Variants in FAHD2B observed in about 807,000 individuals in gnomAD.
The protein encoded by FAHD2B is fumarylacetoacetate hydrolase domain containing 2B.
Under a neutral mutation model 33.7 loss-of-function variants are expected in FAHD2B, and 26 were observed. The observed-to-expected ratio is 0.77, with a 90% CI of 0.57 to 1.07. The LOEUF is 1.07. Ranked by LOEUF, FAHD2B falls within the 50% of genes least tolerant of loss-of-function variation. FAHD2B has a pLI of 0.00. For missense variants in FAHD2B, 272 were observed against 388.1 expected (o/e 0.70, Z 2.51); for synonymous variants, 108 against 150.9 (o/e 0.72, Z 2.08).
chr2:97,081,087 C>T, downstream of FAHD2B: 1 of 1,507,424 alleles, frequency 6.6e-7, no homozygotes, highest in Non-Finnish European at 8.9e-7. Flanking sequence ...TCATAATGGA[C>T]CCTCCGCCCC....
chr2:97,083,205 C>A (rs2031723307), downstream of FAHD2B: 1 of 1,608,844 alleles, frequency 6.2e-7, no homozygotes, highest in Admixed American at 1.7e-5. Context: ...CTTTTGCCAG[C>A]CAGGACAATC....
At chr2:97,080,543 T>C (rs546925083), downstream of FAHD2B, among the ~76,000 whole-genome samples, 54 of 152,164 alleles carry the variant, frequency 3.5e-4, no homozygotes, top group African/African-American at 1.3e-3. Flanking sequence ...TTTTTCTTTT[T>C]GCTGAGAATT....
intron 4 of FAHD2B, among the ~76,000 whole-genome samples, chr2:97,088,530 T>G (rs1344219140): frequency 6.6e-6 from 1 of 152,164 alleles, no homozygotes. Flanking sequence ...ATTGTGAGGC[T>G]TCTCTAGCCA....
chr2:97,092,168 T>A (rs1214295072), intron 1 of FAHD2B, among the ~76,000 whole-genome samples, 180 bp from the exon 2 acceptor site: 2 of 152,132 alleles, frequency 1.3e-5, no homozygotes, highest in African/African-American at 4.8e-5. Flanking sequence ...CTGGGCTAAA[T>A]GAGCAGGACC....
At position 97,083,677 on chromosome 2, in the gene FAHD2B, C is replaced by T. The variant is rs949758610; in HGVS notation, c.*78G>A. ...TTGCAGGGCTGGCACCTGCCCACAC[C>T]TGCCACTGGGCCTTTCCCTGGGCTA... On this transcript the variant is annotated 3_prime_UTR_variant, in exon 9 of 9. Transcript: ENST00000414820. 3.1e-6 allele frequency: 5 copies of T among 1,610,936 alleles called. No homozygotes were observed. The highest frequency in any genetic ancestry group is 1.8e-4 in the Middle Eastern group (1 of 5,604).
chr2:97,081,315 C>T, downstream of FAHD2B: 1 of 1,515,988 alleles, frequency 6.6e-7, no homozygotes, highest in African/African-American at 1.5e-5. Context: ...AATGGCCCAT[C>T]CCTGCCCATG....
downstream of FAHD2B, chr2:97,081,255 G>T: frequency 6.8e-7 from 1 of 1,480,852 alleles, no homozygotes; most frequent in African/African-American, 1.5e-5. Flanking sequence ...TAAAGGTCAG[G>T]CCTCCCCTAC....
At chr2:97,083,446 A>C, downstream of FAHD2B, 1 of 1,358,960 alleles carries the variant, frequency 7.4e-7, no homozygotes, top group Non-Finnish European at 9.8e-7. Context: ...GGACGAGACG[A>C]GTTGTCTTTT....
intron 3 of FAHD2B, 48 bp downstream of exon 3, chr2:97,091,414 A>G (rs535052906): frequency 9.3e-5 from 140 of 1,509,338 alleles, no homozygotes; most frequent in Admixed American, 1.6e-4. Context: ...GGGAGGGTGC[A>G]GGGGGACCAG....
downstream of FAHD2B, among the ~76,000 whole-genome samples, chr2:97,079,602 C>T (rs1431734400): frequency 2.0e-5 from 3 of 151,534 alleles, no homozygotes; most frequent in African/African-American, 4.8e-5. Context: ...ATGTCCTTTG[C>T]CCACTTTTTA....
At chr2:97,086,308 C>G in intron 4 of FAHD2B, 110 bp from the exon 5 acceptor site, 1 of 1,462,558 alleles carries the variant, frequency 6.8e-7, no homozygotes, top group Non-Finnish European at 9.3e-7. Context: ...TGCCATCCCA[C>G]GTTTGCCATC....
intron 4 of FAHD2B, among the ~76,000 whole-genome samples, chr2:97,087,227 A>G (rs1049710788): frequency 6.6e-6 from 1 of 151,758 alleles, no homozygotes; most frequent in Non-Finnish European, 1.5e-5. Context: ...AATTTTTTGT[A>G]TTTTTAGTAG....
At position 97,085,751 on chromosome 2, in the gene FAHD2B, G is replaced by T. The variant is rs1361710949; in HGVS notation, c.633C>A (p.Phe211Leu). ...CAGGGCCCAGAGGGCAGAAGGTGTCGAAGGTTTTTCCCAGCAGCCACTGTT... is the reference window on the plus strand; with the variant it reads ...CAGGGCCCAGAGGGCAGAAGGTGTCTAAGGTTTTTCCCAGCAGCCACTGTT... ...NGKQWLLGKT[F>L]DTFCPLGPAL... The change falls in exon 6 of 9, where the codon TTC (phenylalanine) becomes TTA (leucine). Residue 211 changes from phenylalanine to leucine, a missense_variant. Phe to Leu is a conservative substitution (Grantham distance 22). Transcript: ENST00000414820. 3 of 1,613,802 alleles carry T rather than the reference G, an allele frequency of 1.9e-6. No individual in the cohort carries two copies.
intron 1 of FAHD2B, among the ~76,000 whole-genome samples, chr2:97,093,515 C>A (rs1334675520): frequency 1.3e-5 from 2 of 148,152 alleles, no homozygotes; most frequent in African/African-American, 5.1e-5. Context: ...CGCTCTGTCG[C>A]CCAGGCTGGA....
chr2:97,083,667 C>T lies in FAHD2B; in HGVS notation c.*88G>A. 2 of 1,603,542 alleles carry T rather than the reference C, an allele frequency of 1.2e-6. No homozygotes were observed. The highest frequency in any genetic ancestry group is 4.5e-5 in the East Asian group (2 of 44,804). ...AAGAGGCGGCTTGCAGGGCTGGCACCTGCCCACACCTGCCACTGGGCCTTT... is the reference window on the plus strand; with the variant it reads ...AAGAGGCGGCTTGCAGGGCTGGCACTTGCCCACACCTGCCACTGGGCCTTT... On this transcript the variant is annotated 3_prime_UTR_variant, in exon 9 of 9. Transcript: ENST00000414820.
chr2:97,089,996 T>C, intron 4 of FAHD2B, 113 bp downstream of exon 4: 2 of 1,396,352 alleles, frequency 1.4e-6, no homozygotes, highest in Non-Finnish European at 2.0e-6. Flanking sequence ...TCCTGTAGAG[T>C]TTCTGTTGAA....
At chr2:97,080,348 T>C (rs2031599248), downstream of FAHD2B, among the ~76,000 whole-genome samples, 1 of 152,124 alleles carries the variant, frequency 6.6e-6, no homozygotes, top group African/African-American at 2.4e-5. Context: ...TAGAGAATCC[T>C]TTCTCCATTG....
At chr2:97,082,478 A>G, downstream of FAHD2B, 1 of 1,612,806 alleles carries the variant, frequency 6.2e-7, no homozygotes, top group South Asian at 1.1e-5. Context: ...AGTCTCAACC[A>G]GTCAGCCCAG....
In FAHD2B at chr2:97,091,851, C is replaced by T. The variant is rs2032367339; in HGVS notation, c.-7+12G>A. The T allele has an allele frequency of 3.0e-6, 4 of 1,312,738 alleles. No homozygotes were observed. The South Asian group carries it at 6.5e-5, about 21-fold the overall frequency. 81.3% of individuals were successfully genotyped at this position (1,312,738 alleles called of 1,614,324 possible). ...CATACCACACGGGAAGCGGTCCAGG[C>T]TTGTATTTTACCTGCTATACTTCAT... On this transcript the variant is annotated intron_variant, in intron 2 of 8. Coordinates refer to ENST00000414820, the MANE Select transcript of FAHD2B (RefSeq NM_001320848.2).
Sources: gnomAD v4.1 joint callset for allele counts (sites outside exome capture counted in the v4.1 genomes callset) on GRCh38, gnomAD v4.1.1 for gene constraint, MANE v1.5 for transcripts, NCBI Gene and HGNC (gene_info 2026-07-23, HGNC 2026-07-21) for gene names.